The following CDIN1 variants were observed in gnomAD, a reference collection of about 807,000 sequenced individuals.
The protein encoded by CDIN1 is CDAN1-interacting nuclease 1.
A neutral mutation model predicts 45.3 loss-of-function variants in CDIN1; 33 were observed. That is an observed-to-expected ratio of 0.73 (90% CI 0.55 to 0.97). CDIN1 has a LOEUF of 0.97. CDIN1 is among the 50% of genes least tolerant of loss of function. CDIN1 has a pLI of 0.00. For synonymous variants in CDIN1, 118 were observed against 124.4 expected (o/e 0.95, Z 0.34); for missense variants, 303 against 339.4 (o/e 0.89, Z 0.84).
chr15:36,709,214 T>C lies in CDIN1; in HGVS notation c.545-9T>C. On this transcript the variant is annotated splice_polypyrimidine_tract_variant and intron_variant, in intron 8 of 10. Transcript: ENST00000566621. The stretch of plus-strand genomic sequence containing the variant: ...TGTTTTAAGTAAATAGTGTTTGTTC[T>C]TCCTGTAGATGAAGATCAGCTTCGT... 1.3e-6 allele frequency: 2 copies of C among 1,590,890 alleles called. No homozygotes were observed. The highest frequency in any genetic ancestry group is 8.5e-7 in the Non-Finnish European group (1 of 1,169,594).
intron 6 of CDIN1, 47 bp from the exon 7 acceptor site, chr15:36,692,079 T>C: frequency 1.3e-6 from 2 of 1,582,214 alleles, no homozygotes; most frequent in Non-Finnish European, 1.7e-6. Context: ...ACTGTAATAG[T>C]TTTTGTAGCC....
chr15:36,788,115 T>C (rs1327678676), intron 10 of CDIN1, among the ~76,000 whole-genome samples: 29 of 125,570 alleles, frequency 2.3e-4, no homozygotes, highest in Admixed American at 2.2e-3. Flanking sequence ...TATTTTTTTT[T>C]TTTTTTTTTT....
At chr15:36,643,553 G>C (rs1173752822) in intron 1 of CDIN1, among the ~76,000 whole-genome samples, 1 of 152,156 alleles carries the variant, frequency 6.6e-6, no homozygotes, top group East Asian at 1.9e-4. Context: ...GCTTTTTAGA[G>C]AAAGAAAAAT....
At chr15:36,686,726 A>T (rs1054424862) in intron 5 of CDIN1, among the ~76,000 whole-genome samples, 2 of 151,060 alleles carry the variant, frequency 1.3e-5, no homozygotes, top group Non-Finnish European at 2.9e-5. Context: ...TAAAAAAAAT[A>T]CAAGAAAGAA....
At chr15:36,715,604 C>G (rs1387165228) in intron 10 of CDIN1, among the ~76,000 whole-genome samples, 1 of 152,194 alleles carries the variant, frequency 6.6e-6, no homozygotes, top group African/African-American at 2.4e-5. Flanking sequence ...TTAATTACAG[C>G]AGCCTCAGAA....
intron 10 of CDIN1, among the ~76,000 whole-genome samples, chr15:36,729,060 A>G (rs2043747175): frequency 1.3e-5 from 2 of 152,244 alleles, no homozygotes; most frequent in African/African-American, 4.8e-5. Context: ...AAATGGCAAA[A>G]ATGTCTTAAA....
intron 5 of CDIN1, among the ~76,000 whole-genome samples, chr15:36,658,492 T>C (rs2040867169): frequency 1.3e-5 from 2 of 152,186 alleles, no homozygotes; most frequent in Non-Finnish European, 2.9e-5. Context: ...ATGAGTAATA[T>C]TCAATGTGAT....
intron 1 of CDIN1, among the ~76,000 whole-genome samples, chr15:36,595,209 T>C (rs955388541): frequency 6.6e-6 from 1 of 151,376 alleles, no homozygotes; most frequent in African/African-American, 2.4e-5. Context: ...TGGGAATTAT[T>C]GTCTTGAAAG....
At position 36,692,636 on chromosome 15, in the gene CDIN1, C is replaced by T. The variant is rs549786575; in HGVS notation, c.476+461C>T. Among the ~76,000 whole-genome samples the T allele has an allele frequency of 2.7e-4, 41 of 152,262 alleles. No individual in the cohort carries two copies. The South Asian group carries it at 7.3e-3, about 27-fold the overall frequency. ...CAGAGACATCACATTTTAAAGGCAACAGATTCTTATTGCTTAAATGCTGAT... is the reference window on the plus strand; with the variant it reads ...CAGAGACATCACATTTTAAAGGCAATAGATTCTTATTGCTTAAATGCTGAT... On this transcript the variant is annotated intron_variant, in intron 7 of 10. Coordinates refer to ENST00000566621, the MANE Select transcript of CDIN1 (RefSeq NM_001321759.2).
chr15:36,750,254 C>T (rs1245507740), intron 10 of CDIN1, among the ~76,000 whole-genome samples: 8 of 152,122 alleles, frequency 5.3e-5, no homozygotes, highest in Admixed American at 3.3e-4. Context: ...CTCCCTCATT[C>T]GTCCCATGAA....
At chr15:36,602,513 A>T (rs2038154735) in intron 1 of CDIN1, among the ~76,000 whole-genome samples, 1 of 152,200 alleles carries the variant, frequency 6.6e-6, no homozygotes, top group African/African-American at 2.4e-5. Context: ...AATTCTAGAG[A>T]CATAATTATT....
chr15:36,613,480 G>T (rs1326204877), intron 1 of CDIN1: 10 of 1,550,906 alleles, frequency 6.4e-6, no homozygotes, highest in Non-Finnish European at 8.8e-6. Flanking sequence ...CCATGGCTGG[G>T]ATCACCACCA....
rs764241224 is a variant in CDIN1 at position 36,615,249 on chromosome 15, G to A, written c.102-29029G>A. On this transcript the variant is annotated intron_variant, in intron 1 of 10. Transcript: ENST00000566621. ...AGCCTCTGCAGTCCGTGGGCTGGCAGTTTGTTGATCTTTTAAAGTTTCTTT... is the reference window on the plus strand; with the variant it reads ...AGCCTCTGCAGTCCGTGGGCTGGCAATTTGTTGATCTTTTAAAGTTTCTTT... Among the ~76,000 whole-genome samples, 11 of 152,348 alleles carry A rather than the reference G, an allele frequency of 7.2e-5. No individual in the cohort carries two copies. In the South Asian group the frequency reaches 1.2e-3, roughly 17 times the overall value.
chr15:36,756,438 C>T (rs2053611557), intron 10 of CDIN1, among the ~76,000 whole-genome samples: 1 of 152,074 alleles, frequency 6.6e-6, no homozygotes, highest in Non-Finnish European at 1.5e-5. Flanking sequence ...TATATCCTTG[C>T]CTAAAGCAGG....
intron 10 of CDIN1, among the ~76,000 whole-genome samples, chr15:36,794,931 A>G (rs946337814): frequency 1.3e-5 from 2 of 152,248 alleles, no homozygotes; most frequent in Admixed American, 6.5e-5. Context: ...ATGTATACAC[A>G]ATGGAATACT....
intron 8 of CDIN1, among the ~76,000 whole-genome samples, chr15:36,699,483 GTTTAA>G (rs2042556009): frequency 6.6e-6 from 1 of 152,072 alleles, no homozygotes; most frequent in Non-Finnish European, 1.5e-5. Flanking sequence ...TTGCAAACAT[GTTTAA>G]TTTATTTTGA....
At chr15:36,667,465 A>G (rs1183215163) in intron 5 of CDIN1, among the ~76,000 whole-genome samples, 2 of 152,244 alleles carry the variant, frequency 1.3e-5, no homozygotes, top group Non-Finnish European at 2.9e-5. Context: ...AATGTGATCT[A>G]GGACAGACAG....
chr15:36,617,706 C>G lies in CDIN1; in HGVS notation c.102-26572C>G, dbSNP rs2038960724. On this transcript the variant is annotated intron_variant, in intron 1 of 10. Coordinates refer to ENST00000566621, the MANE Select transcript of CDIN1 (RefSeq NM_001321759.2). ...TTGTATTGTGATTCTTAGAGAGATT[C>G]CTGAAACAACACCAATAGAGGAAGT... The G allele has an allele frequency of 5.1e-6, 4 of 778,328 alleles. No individual in the cohort carries two copies. In the South Asian group the frequency reaches 5.4e-5, roughly 10 times the overall value. 48.2% of individuals were successfully genotyped at this position (778,328 alleles called of 1,614,324 possible).
intron 10 of CDIN1, among the ~76,000 whole-genome samples, chr15:36,795,897 C>T (rs1426374214): frequency 6.6e-6 from 1 of 151,874 alleles, no homozygotes; most frequent in African/African-American, 2.4e-5. Context: ...CAGAAATGAC[C>T]ATGTGAAATG....
Sources: gnomAD v4.1 joint callset for allele counts (sites outside exome capture counted in the v4.1 genomes callset) on GRCh38, gnomAD v4.1.1 for gene constraint, MANE v1.5 for transcripts, NCBI Gene and HGNC (gene_info 2026-07-23, HGNC 2026-07-21) for gene names.